PLAGL1: variants seen among roughly 807,000 people sequenced by gnomAD.
PLAGL1 encodes PLAG1 like zinc finger 1.
PLAGL1 carries 1 observed loss-of-function variant against 4.6 expected under a neutral mutation model. That is an observed-to-expected ratio of 0.22 (90% CI 0.08 to 1.03). The LOEUF (loss-of-function observed/expected upper bound fraction) is 1.03. Ranked by LOEUF, PLAGL1 falls within the 50% of genes least tolerant of loss-of-function variation. The probability of loss-of-function intolerance (pLI) is 0.58; values close to 1 mark genes in which losing one functional copy is unlikely to be tolerated. For missense variants in PLAGL1, 464 were observed against 570.4 expected (o/e 0.81, Z 1.90); for synonymous variants, 240 against 237.8 (o/e 1.01, Z -0.08).
At position 143,964,150 on chromosome 6, in the gene PLAGL1, C is replaced by T. The variant is rs999773068; in HGVS notation, c.-399+637G>A. Among the ~76,000 whole-genome samples the T allele has an allele frequency of 1.3e-5, 2 of 152,190 alleles. No individual in the cohort carries two copies. The highest frequency in any genetic ancestry group is 4.8e-5 in the African/African-American group (2 of 41,448). On this transcript the variant is annotated intron_variant, in intron 5 of 7. Transcript: ENST00000674357. The surrounding 1 kb of genome is among the most constrained non-coding windows in gnomAD (Gnocchi z 4.3). ...CCCAGCAATAGAGGCCCTGGCACCC[C>T]TCTGTTCCCTAAGGCAATGAGTAGA... is the stretch of plus-strand genomic sequence containing the variant.
At chr6:143,951,160 T>A (rs995611068) in intron 6 of PLAGL1, among the ~76,000 whole-genome samples, 5 of 152,224 alleles carry the variant, frequency 3.3e-5, no homozygotes, top group African/African-American at 1.2e-4. Flanking sequence ...AGTTACCTGA[T>A]GTATGTAAAC....
Position 143,945,469 on chromosome 6 carries a change from C to G in PLAGL1, c.152+2516G>C, listed in dbSNP as rs1213316647. ...CAAGTCAGTTATTTTTTCCTTCAAC[C>G]TCTGTTGCCTCATCATCCTTTTTTT... is the stretch of plus-strand genomic sequence containing the variant. On this transcript the variant is annotated intron_variant, in intron 7 of 7. Transcript: ENST00000674357. This position sits in a 1 kb window ranked among gnomAD's most constrained non-coding sequence, Gnocchi z 4.2. Among the ~76,000 whole-genome samples the G allele has an allele frequency of 1.3e-5, 2 of 152,108 alleles. No individual in the cohort carries two copies. The highest frequency in any genetic ancestry group is 4.8e-5 in the African/African-American group (2 of 41,430).
At chr6:143,993,083 A>G (rs1021581946) in intron 1 of PLAGL1, among the ~76,000 whole-genome samples, 5 of 150,678 alleles carry the variant, frequency 3.3e-5, no homozygotes, top group African/African-American at 1.2e-4. Flanking sequence ...CCAAGGCGGG[A>G]GGATCATGAG....
At position 144,006,254 on chromosome 6, in the gene PLAGL1, A is replaced by G. The variant is rs893284846; in HGVS notation, c.-584+1836T>C. 2 of 152,088 alleles carry G rather than the reference A, an allele frequency of 1.3e-5. No individual in the cohort carries two copies. Among genetic ancestry groups the G allele is most frequent in the African/African-American group, 2.4e-5 (1 of 41,406 alleles). The allele number at this position is 152,088 out of a possible 1,614,324, so 9.4% of individuals were successfully genotyped here. The stretch of plus-strand genomic sequence containing the variant: ...CAGGAAATAAGAATAACAGACGGAG[A>G]GCCCTAGACTCAGGCTTCTTCAGTT... On this transcript the variant is annotated intron_variant, in intron 1 of 7. Coordinates refer to ENST00000674357, the MANE Select transcript of PLAGL1 (RefSeq NM_001317162.2). The surrounding 1 kb of genome is among the most constrained non-coding windows in gnomAD (Gnocchi z 4.3).
intron 2 of PLAGL1, among the ~76,000 whole-genome samples, chr6:143,980,602 A>G (rs1298388704): frequency 6.6e-6 from 1 of 152,102 alleles, no homozygotes; most frequent in Non-Finnish European, 1.5e-5. Flanking sequence ...GAACATAGTA[A>G]CAATAACTAT....
rs78908939 is a variant in PLAGL1 at position 144,022,833 on chromosome 6, G to A, written c.-151+41635C>T. ...CTCAGGTATGTCTTTATTGCAGCAT[G>A]AGAACAGACTAATACACACAGACTT... is the stretch of plus-strand genomic sequence containing the variant. On this transcript the variant is annotated intron_variant, in intron 1 of 3. Coordinates refer to the PLAGL1 transcript ENST00000437412. The surrounding 1 kb of genome is among the most constrained non-coding windows in gnomAD (Gnocchi z 4.2). 4.4e-3 allele frequency among the ~76,000 whole-genome samples: 675 copies of A among 152,248 alleles called. 8 individuals carry two copies. The highest frequency in any genetic ancestry group is 0.01 in the Admixed American group (158 of 15,302).
chr6:144,055,389 A>T lies in PLAGL1; in HGVS notation c.-151+9079T>A, dbSNP rs1798891249. Among the ~76,000 whole-genome samples the T allele has an allele frequency of 6.6e-6, 1 of 152,204 alleles. No homozygotes were observed. Among genetic ancestry groups the T allele is most frequent in the Non-Finnish European group, 1.5e-5 (1 of 68,040 alleles). Reference sequence around the variant, plus strand: ...GCTTGTTATACAAAACCACACTGGCATTCTTTAACATGATGAATTTTATTA... The same window carrying T: ...GCTTGTTATACAAAACCACACTGGCTTTCTTTAACATGATGAATTTTATTA... On this transcript the variant is annotated intron_variant, in intron 1 of 3. Coordinates refer to the PLAGL1 transcript ENST00000437412. The surrounding 1 kb of genome is among the most constrained non-coding windows in gnomAD (Gnocchi z 5.0).
In PLAGL1 at chr6:143,963,343, G is replaced by T. The variant is rs938251449; in HGVS notation, c.-399+1444C>A. Among the ~76,000 whole-genome samples, 3 of 152,142 alleles carry T rather than the reference G, an allele frequency of 2.0e-5. No individual in the cohort carries two copies. The highest frequency in any genetic ancestry group is 4.4e-5 in the Non-Finnish European group (3 of 68,034). On this transcript the variant is annotated intron_variant, in intron 5 of 7. Coordinates refer to ENST00000674357, the MANE Select transcript of PLAGL1 (RefSeq NM_001317162.2). The surrounding 1 kb of genome is among the most constrained non-coding windows in gnomAD (Gnocchi z 6.1). Reference sequence around the variant, plus strand: ...CGCAGCTCTCGGGATACCTTGCAGTGCCCCTTCAAGGTCACATGGTGGGGC... The same window carrying T: ...CGCAGCTCTCGGGATACCTTGCAGTTCCCCTTCAAGGTCACATGGTGGGGC...
rs562009880 is a variant in PLAGL1 at position 144,036,002 on chromosome 6, G to T, written c.-151+28466C>A. ...AGCAGGGGCATTTCTGGGTTTTATT[G>T]TGCCTGGATGGCCATCTGATTACGT... is the stretch of plus-strand genomic sequence containing the variant. On this transcript the variant is annotated intron_variant, in intron 1 of 3. Coordinates refer to the PLAGL1 transcript ENST00000437412. This position sits in a 1 kb window ranked among gnomAD's most constrained non-coding sequence, Gnocchi z 5.1. Among the ~76,000 whole-genome samples the T allele has an allele frequency of 5.9e-5, 9 of 152,180 alleles. No homozygotes were observed. The East Asian group carries it at 1.4e-3, about 23-fold the overall frequency.
rs1778681533 is a variant in PLAGL1 at position 143,941,922 on chromosome 6, A to C, written c.894T>G (p.Leu298=). 3 of 1,610,692 alleles carry C rather than the reference A, an allele frequency of 1.9e-6. No homozygotes were observed. The African/African-American group carries it at 4.0e-5, about 22-fold the overall frequency. The part of the protein sequence containing the change: ...SVSPGSPPPP[L]PNHKYNTTST... ...AAGTGGTGTTGTACTTGTGATTGGG[A>C]AGGGGTGGCGGAGGAGAGCCAGGGG... is the stretch of plus-strand genomic sequence containing the variant. Residue 298 remains leucine, a synonymous_variant, in exon 8 of 8, where the codon CTT becomes CTG. Coordinates refer to ENST00000674357, the MANE Select transcript of PLAGL1 (RefSeq NM_001317162.2). This position sits in a 1 kb window ranked among gnomAD's most constrained non-coding sequence, Gnocchi z 6.0.
rs979521021 is a variant in PLAGL1, at chr6:143,982,252, G to A, written c.-544+2883C>T. 1.3e-5 allele frequency among the ~76,000 whole-genome samples: 2 copies of A among 152,158 alleles called. No individual in the cohort carries two copies. The highest frequency in any genetic ancestry group is 4.1e-4 in the South Asian group (2 of 4,834). On this transcript the variant is annotated intron_variant, in intron 2 of 7. Transcript: ENST00000674357. The surrounding 1 kb of genome is among the most constrained non-coding windows in gnomAD (Gnocchi z 5.3). ...TAAAACAGGCTGGTCAGGGAAAAAG[G>A]CATGGGTGAGAGGATGACAATTTAG...
intron 1 of PLAGL1, among the ~76,000 whole-genome samples, chr6:144,051,512 T>C (rs1798583577): frequency 6.6e-6 from 1 of 152,234 alleles, no homozygotes; most frequent in South Asian, 2.1e-4. Context: ...TAAACCAATA[T>C]GTTTCAAATG....
Position 143,966,214 on chromosome 6 carries a change from T to C in PLAGL1, c.-471-16A>G, listed in dbSNP as rs1248244062. Reference sequence around the variant, plus strand: ...TTTCTGTCGACTGCAACGAAAAGTCTTGTCTAATCAGAACCACTGAAAGTT... The same window carrying C: ...TTTCTGTCGACTGCAACGAAAAGTCCTGTCTAATCAGAACCACTGAAAGTT... On this transcript the variant is annotated splice_polypyrimidine_tract_variant and intron_variant, in intron 3 of 7. Coordinates refer to ENST00000674357, the MANE Select transcript of PLAGL1 (RefSeq NM_001317162.2). The surrounding 1 kb of genome is among the most constrained non-coding windows in gnomAD (Gnocchi z 6.0). The C allele has an allele frequency of 6.6e-6, 1 of 152,240 alleles. No homozygotes were observed. Among genetic ancestry groups the C allele is most frequent in the Non-Finnish European group, 1.5e-5 (1 of 68,056 alleles). The allele number at this position is 152,240 out of a possible 1,614,324, so 9.4% of individuals were successfully genotyped here. A position where few individuals can be genotyped will look rare whatever the true frequency, so the allele number is the denominator to read the frequency against.
At chr6:144,043,171 T>C (rs1797868649) in intron 1 of PLAGL1, among the ~76,000 whole-genome samples, 1 of 152,242 alleles carries the variant, frequency 6.6e-6, no homozygotes, top group Admixed American at 6.5e-5. Flanking sequence ...TTTATTTCTT[T>C]CTTTTGCCTG....
rs59894421 is a variant in PLAGL1, at chr6:143,974,556, A to T, written c.-543-5578T>A. ...ACAGAAATGGACTTTGCATATACAGAACTCTCAACTGCACAGGAAAGGTAG... is the reference window on the plus strand; with the variant it reads ...ACAGAAATGGACTTTGCATATACAGTACTCTCAACTGCACAGGAAAGGTAG... On this transcript the variant is annotated intron_variant, in intron 2 of 7. Coordinates refer to ENST00000674357, the MANE Select transcript of PLAGL1 (RefSeq NM_001317162.2). Among the ~76,000 whole-genome samples the T allele has an allele frequency of 8.5e-3, 1,291 of 152,294 alleles. 13 individuals are homozygous for T. Among genetic ancestry groups the T allele is most frequent in the African/African-American group, 0.029 (1,193 of 41,562 alleles).
In PLAGL1 at chr6:143,985,338, C is replaced by A. The variant is rs747465240; in HGVS notation, c.-583-164G>T. 2.0e-5 allele frequency: 3 copies of A among 152,110 alleles called. No homozygotes were observed. Among genetic ancestry groups the A allele is most frequent in the Non-Finnish European group, 2.9e-5 (2 of 68,028 alleles). The allele number at this position is 152,110 out of a possible 1,614,324, so 9.4% of individuals were successfully genotyped here. A position where few individuals can be genotyped will look rare whatever the true frequency, so the allele number is the denominator to read the frequency against. ...CAAAACAACAGTACAATATCACAACCGATATGTTTATATTAATACCATCTA... is the reference window on the plus strand; with the variant it reads ...CAAAACAACAGTACAATATCACAACAGATATGTTTATATTAATACCATCTA... On this transcript the variant is annotated intron_variant, in intron 1 of 7. Coordinates refer to ENST00000674357, the MANE Select transcript of PLAGL1 (RefSeq NM_001317162.2). The surrounding 1 kb of genome is among the most constrained non-coding windows in gnomAD (Gnocchi z 4.4).
intron 1 of PLAGL1, among the ~76,000 whole-genome samples, chr6:144,021,976 A>C (rs990072749): frequency 1.3e-5 from 2 of 152,174 alleles, no homozygotes; most frequent in African/African-American, 4.8e-5. Flanking sequence ...GACTAGAAAG[A>C]AATAAAAAAG....
At chr6:144,032,072 G>A (rs1796874368) in intron 1 of PLAGL1, among the ~76,000 whole-genome samples, 1 of 149,840 alleles carries the variant, frequency 6.7e-6, no homozygotes, top group South Asian at 2.1e-4. Flanking sequence ...GGGCACAATG[G>A]TTTTTATAAA....
intron 1 of PLAGL1, among the ~76,000 whole-genome samples, chr6:143,998,893 T>C (rs975743548): frequency 1.6e-4 from 24 of 152,260 alleles, no homozygotes; most frequent in African/African-American, 4.8e-4. Context: ...TGGATTAGTT[T>C]TGAGAAATCG....
Sources: gnomAD v4.1 joint callset for allele counts (sites outside exome capture counted in the v4.1 genomes callset) on GRCh38, gnomAD v4.1.1 for gene constraint, Gnocchi (gnomAD v3.1) non-coding constraint, MANE v1.5 for transcripts, NCBI Gene and HGNC (gene_info 2026-07-23, HGNC 2026-07-21) for gene names.